RPS6KA2: variants seen among roughly 807,000 people sequenced by gnomAD.
RPS6KA2 encodes the protein ribosomal protein S6 kinase A2, also known as ribosomal protein S6 kinase alpha-2.
RPS6KA2 carries 42 observed loss-of-function variants against 91.8 expected under a neutral mutation model. The ratio of observed to expected loss-of-function variants is 0.46; its 90% CI spans 0.36 to 0.59. The LOEUF (loss-of-function observed/expected upper bound fraction) is 0.59, where lower values mean the gene tolerates loss of function less well. RPS6KA2 is among the 20% of genes least tolerant of loss of function. The probability of loss-of-function intolerance (pLI) is 0.00; values close to 1 mark genes in which losing one functional copy is unlikely to be tolerated. For synonymous variants in RPS6KA2, 414 were observed against 393.6 expected, an observed-to-expected ratio of 1.05 and a Z score of -0.61; for missense variants, 798 against 978.5, an observed-to-expected ratio of 0.82 and a Z score of 2.46.
At chr6:166,489,614 T>C (rs1583199203) in intron 9 of RPS6KA2, among the ~76,000 whole-genome samples, 1 of 152,314 alleles carries the variant, frequency 6.6e-6, no homozygotes, top group South Asian at 2.1e-4. Context: ...ATGTCCTCCC[T>C]TAAAATTCAA....
At chr6:166,569,385 C>T (rs1784610681) in intron 1 of RPS6KA2, among the ~76,000 whole-genome samples, 1 of 152,254 alleles carries the variant, frequency 6.6e-6, no homozygotes, top group African/African-American at 2.4e-5. Context: ...TGTTTACTCC[C>T]ATTTCATTCG....
intron 2 of RPS6KA2, among the ~76,000 whole-genome samples, chr6:166,744,139 G>T (rs1255384753): frequency 2.0e-5 from 3 of 152,126 alleles, no homozygotes; most frequent in South Asian, 4.1e-4. Flanking sequence ...CGCTAGTGTG[G>T]TCACTCCCTT....
chr6:166,482,210 T>A (rs1345184651), intron 10 of RPS6KA2, among the ~76,000 whole-genome samples: 2 of 152,252 alleles, frequency 1.3e-5, no homozygotes, highest in Non-Finnish European at 2.9e-5. Flanking sequence ...TCTGTTAAGT[T>A]CTCTGATGAG....
intron 2 of RPS6KA2, among the ~76,000 whole-genome samples, chr6:166,712,658 G>T (rs1240169394): frequency 6.6e-6 from 1 of 152,194 alleles, no homozygotes; most frequent in Non-Finnish European, 1.5e-5. Flanking sequence ...CCATGATGAG[G>T]TCACAGTTCC....
At chr6:166,839,401 G>A (rs1396788907) in intron 2 of RPS6KA2, among the ~76,000 whole-genome samples, 1 of 151,952 alleles carries the variant, frequency 6.6e-6, no homozygotes, top group Non-Finnish European at 1.5e-5. Context: ...TCCAGGATAC[G>A]TTATGAAGAA....
At position 166,688,552 on chromosome 6, in the gene RPS6KA2, G is replaced by A. The variant is rs79753726; in HGVS notation, c.124-149768C>T. ...AACCGTGGGGTAAAACAAAATCACT[G>A]GGTTTGGAGGATGAAAGGGTAAGAA... On this transcript the variant is annotated intron_variant, in intron 2 of 21. Transcript: ENST00000503859. Among the ~76,000 whole-genome samples the A allele has an allele frequency of 3.5e-4, 53 of 152,344 alleles. 3 individuals carry two copies. The East Asian group carries it at 0.01, about 29-fold the overall frequency.
intron 2 of RPS6KA2, among the ~76,000 whole-genome samples, chr6:166,842,333 AC>A (rs1312631094): frequency 6.6e-6 from 1 of 152,198 alleles, no homozygotes; most frequent in Non-Finnish European, 1.5e-5. Flanking sequence ...ATCCAATATA[AC>A]TGCGTTCTTA....
At chr6:166,547,531 G>C (rs1401495706) in intron 1 of RPS6KA2, among the ~76,000 whole-genome samples, 1 of 152,232 alleles carries the variant, frequency 6.6e-6, no homozygotes, top group Non-Finnish European at 1.5e-5. Flanking sequence ...AAACTGTTAG[G>C]CTGCAGATCA....
chr6:166,808,639 G>A (rs1317327438), intron 2 of RPS6KA2, among the ~76,000 whole-genome samples: 1 of 152,132 alleles, frequency 6.6e-6, no homozygotes, highest in African/African-American at 2.4e-5. Context: ...AAAGAACCAC[G>A]TGTTCAGTAT....
chr6:166,729,531 G>A (rs1790448855), intron 2 of RPS6KA2, among the ~76,000 whole-genome samples: 5 of 152,112 alleles, frequency 3.3e-5, no homozygotes, highest in Admixed American at 3.3e-4. Context: ...TTGCAGAGAT[G>A]GAATTTTGCC....
rs1028945725 is a variant in RPS6KA2, at chr6:166,849,539, C to T, written c.123+8661G>A. On this transcript the variant is annotated intron_variant, in intron 2 of 21. Coordinates refer to the RPS6KA2 transcript ENST00000503859. The surrounding 1 kb of genome is among the most constrained non-coding windows in gnomAD (Gnocchi z 4.9). ...GGGCGGATCAGCTTGAGTCACCACG[C>T]GTGTAGCTGACAGTGGAGGACCCCA... Among the ~76,000 whole-genome samples, 2 of 152,140 alleles carry T rather than the reference C, an allele frequency of 1.3e-5. No individual in the cohort carries two copies. The highest frequency in any genetic ancestry group is 2.9e-5 in the Non-Finnish European group (2 of 68,026).
intron 2 of RPS6KA2, among the ~76,000 whole-genome samples, chr6:166,856,367 A>G (rs1780904007): frequency 6.6e-6 from 1 of 152,186 alleles, no homozygotes; most frequent in Non-Finnish European, 1.5e-5. Context: ...GCCATGAACC[A>G]GAAAGTGTGC....
At chr6:166,486,610 C>T (rs1222012435) in intron 10 of RPS6KA2, among the ~76,000 whole-genome samples, 1 of 152,260 alleles carries the variant, frequency 6.6e-6, no homozygotes. Flanking sequence ...TGGACACAGT[C>T]CTTTCCACAG....
At position 166,498,558 on chromosome 6, in the gene RPS6KA2, G is replaced by A. The variant is rs768559227; in HGVS notation, c.697C>T (p.Arg233Trp). Residue 233 changes from arginine (R) to tryptophan (W), a missense_variant, in exon 8 of 21, where the codon CGG becomes TGG. By Grantham distance (101) the Arg-to-Trp change is moderately radical. Transcript: ENST00000265678. ...IEYMAPEVVN[R>W]RGHTQSADWW... ...TCGGCACTCTGCGTGTGTCCTCGCC[G>A]GTTCACCACCTCGGGCGCCATGTAC... The A allele has an allele frequency of 4.0e-5, 64 of 1,613,642 alleles. 1 individual carries two copies. Among genetic ancestry groups the A allele is most frequent in the African/African-American group, 1.3e-5 (1 of 74,894 alleles).
At chr6:166,843,557 C>T (rs533150008) in intron 2 of RPS6KA2, among the ~76,000 whole-genome samples, 4 of 152,208 alleles carry the variant, frequency 2.6e-5, no homozygotes, top group Middle Eastern at 3.2e-3. Flanking sequence ...GTGCTGGTAT[C>T]CACAGCTGAA....
chr6:166,597,646 G>A (rs1168467937), intron 1 of RPS6KA2, among the ~76,000 whole-genome samples: 1 of 152,246 alleles, frequency 6.6e-6, no homozygotes, highest in Non-Finnish European at 1.5e-5. Flanking sequence ...CTGATAACAT[G>A]CAAGATTGCA....
At chr6:166,653,866 A>C (rs1582989344) in intron 2 of RPS6KA2, among the ~76,000 whole-genome samples, 3 of 152,354 alleles carry the variant, frequency 2.0e-5, no homozygotes, top group Admixed American at 2.0e-4. Flanking sequence ...CATGTTCATT[A>C]ATACGTTTTA....
chr6:166,615,619 A>C (rs1460308881), intron 1 of RPS6KA2, among the ~76,000 whole-genome samples: 6 of 152,128 alleles, frequency 3.9e-5, no homozygotes, highest in Non-Finnish European at 5.9e-5. Flanking sequence ...GTGCCCACAC[A>C]CCGTGTGCTC....
chr6:166,772,434 C>A (rs140843017), intron 2 of RPS6KA2, among the ~76,000 whole-genome samples: 14 of 152,204 alleles, frequency 9.2e-5, no homozygotes, highest in African/African-American at 3.4e-4. Flanking sequence ...AGTGTCCTGC[C>A]GACAGCTTCG....
Sources: gnomAD v4.1 joint callset for allele counts (sites outside exome capture counted in the v4.1 genomes callset) on GRCh38, gnomAD v4.1.1 for gene constraint, Gnocchi (gnomAD v3.1) non-coding constraint, MANE v1.5 for transcripts, NCBI Gene and HGNC (gene_info 2026-07-23, HGNC 2026-07-21) for gene names.